The following ZBTB7C variants were observed in gnomAD, a reference collection of about 807,000 sequenced individuals.
ZBTB7C encodes the protein zinc finger and BTB domain containing 7C.
A neutral mutation model predicts 25.7 loss-of-function variants in ZBTB7C; 8 were observed. The ratio of observed to expected loss-of-function variants is 0.31; its 90% CI spans 0.18 to 0.56. The LOEUF is 0.56. Ranked by LOEUF, ZBTB7C falls within the 20% of genes least tolerant of loss-of-function variation. ZBTB7C has a pLI of 0.91. For synonymous variants in ZBTB7C, 394 were observed against 369.0 expected (o/e 1.07, Z -0.78); for missense variants, 824 against 855.2 (o/e 0.96, Z 0.46).
At chr18:48,077,129 T>G in intron 3 of ZBTB7C, 1 of 431,914 alleles carries the variant, frequency 2.3e-6, no homozygotes, top group Non-Finnish European at 3.1e-6. Context: ...CAATACAGGC[T>G]CTCTTTAAAA....
chr18:48,034,928 A>T (rs911140154), intron 4 of ZBTB7C, among the ~76,000 whole-genome samples: 4 of 152,168 alleles, frequency 2.6e-5, no homozygotes. Flanking sequence ...GGCCTCCAGA[A>T]AGGCTCCCAA....
chr18:48,098,207 G>C (rs933184161), intron 3 of ZBTB7C, among the ~76,000 whole-genome samples: 1 of 152,186 alleles, frequency 6.6e-6, no homozygotes, highest in Non-Finnish European at 1.5e-5. Context: ...AACAATGAGT[G>C]GATTTCCCCA....
At chr18:48,136,574 G>A (rs1191727185) in intron 3 of ZBTB7C, among the ~76,000 whole-genome samples, 1 of 152,072 alleles carries the variant, frequency 6.6e-6, no homozygotes, top group Non-Finnish European at 1.5e-5. Flanking sequence ...TCTTGGGGGA[G>A]ACAATTTAAA....
rs141964247 is a variant in ZBTB7C, at chr18:48,251,991, G to A, written c.-78-65996C>T. On this transcript the variant is annotated intron_variant, in intron 2 of 4. Transcript: ENST00000590800. Reference sequence around the variant, plus strand: ...TTCTCTGGTGTGAGATGAATCTTGGGTATTTACCCCAGACAATGACACCAC... The same window carrying A: ...TTCTCTGGTGTGAGATGAATCTTGGATATTTACCCCAGACAATGACACCAC... Among the ~76,000 whole-genome samples, 629 of 152,222 alleles carry A rather than the reference G, an allele frequency of 4.1e-3. 5 individuals carry two copies. Among genetic ancestry groups the A allele is most frequent in the African/African-American group, 0.014 (596 of 41,530 alleles).
intron 3 of ZBTB7C, among the ~76,000 whole-genome samples, chr18:48,085,423 C>G (rs901528175): frequency 5.3e-5 from 8 of 152,164 alleles, no homozygotes; most frequent in African/African-American, 1.9e-4. Context: ...TTTTTTTCTG[C>G]CTGACAAACA....
intron 1 of ZBTB7C, among the ~76,000 whole-genome samples, chr18:48,350,376 G>A (rs58783475): frequency 0.025 from 3,872 of 152,238 alleles, 118 homozygotes; most frequent in African/African-American, 0.066. Flanking sequence ...AGGTTCTTCC[G>A]TAGTTACGTC....
At chr18:48,245,492 A>G (rs1389904322) in intron 2 of ZBTB7C, among the ~76,000 whole-genome samples, 1 of 8,892 alleles carries the variant, frequency 1.1e-4, no homozygotes, top group Non-Finnish European at 6.4e-4. Context: ...AGATCAAGAC[A>G]CCAAAAAAAA....
At position 48,057,174 on chromosome 18, in the gene ZBTB7C, T is replaced by A. The variant is rs555848116; in HGVS notation, c.-16-16051A>T. Reference sequence around the variant, plus strand: ...AGCATTAAAGACATAAAAATTAGATTTCAAGTTTCATCTACCAGATGGGCC... The same window carrying A: ...AGCATTAAAGACATAAAAATTAGATATCAAGTTTCATCTACCAGATGGGCC... On this transcript the variant is annotated intron_variant, in intron 3 of 4. Coordinates refer to ENST00000590800, the MANE Select transcript of ZBTB7C (RefSeq NM_001318841.2). Among the ~76,000 whole-genome samples, 4 of 151,936 alleles carry A rather than the reference T, an allele frequency of 2.6e-5. No individual in the cohort carries two copies. In the East Asian group the frequency reaches 7.7e-4, roughly 29 times the overall value.
intron 2 of ZBTB7C, among the ~76,000 whole-genome samples, chr18:48,276,588 A>C: frequency 9.5e-6 from 1 of 104,974 alleles, no homozygotes; most frequent in African/African-American, 3.7e-5. Flanking sequence ...ACTGAGAATG[A>C]TGGTTTCCAA....
At chr18:48,103,385 C>G (rs1171672494) in intron 3 of ZBTB7C, among the ~76,000 whole-genome samples, 1 of 151,984 alleles carries the variant, frequency 6.6e-6, no homozygotes, top group Non-Finnish European at 1.5e-5. Flanking sequence ...ATTGGCCCCT[C>G]CAGGATCCAG....
At chr18:48,187,560 T>A (rs1347067793) in intron 2 of ZBTB7C, among the ~76,000 whole-genome samples, 1 of 152,108 alleles carries the variant, frequency 6.6e-6, no homozygotes, top group Non-Finnish European at 1.5e-5. Flanking sequence ...ATGCTTGTAA[T>A]CCTAGCACTT....
At chr18:48,410,573 G>A (rs1222384843), upstream of ZBTB7C, 1 of 152,518 alleles carries the variant, frequency 6.6e-6, no homozygotes, top group Admixed American at 6.5e-5. Flanking sequence ...AGGAGGAAGG[G>A]TCCTGGCCCT....
intron 1 of ZBTB7C, chr18:48,350,721 T>C (rs1224334372): frequency 1.3e-5 from 2 of 152,228 alleles, no homozygotes; most frequent in African/African-American, 4.8e-5. Flanking sequence ...CATTTCCTTG[T>C]GTTTCTATCC....
At chr18:48,399,992 C>T (rs1275851917) in intron 1 of ZBTB7C, among the ~76,000 whole-genome samples, 2 of 152,136 alleles carry the variant, frequency 1.3e-5, no homozygotes, top group African/African-American at 2.4e-5. Context: ...ATTTCCTGTG[C>T]GGCCCCTCCC....
At chr18:48,275,704 T>G (rs1257238007) in intron 2 of ZBTB7C, among the ~76,000 whole-genome samples, 1 of 152,228 alleles carries the variant, frequency 6.6e-6, no homozygotes, top group Non-Finnish European at 1.5e-5. Context: ...CTGAAACAAC[T>G]GCTTCGCATC....
At chr18:48,217,187 G>A (rs1419914223) in intron 2 of ZBTB7C, among the ~76,000 whole-genome samples, 1 of 152,138 alleles carries the variant, frequency 6.6e-6, no homozygotes, top group Non-Finnish European at 1.5e-5. Context: ...CAATTCCTAT[G>A]ACCTCACCCA....
intron 2 of ZBTB7C, among the ~76,000 whole-genome samples, chr18:48,231,015 G>C (rs765611563): frequency 7.9e-5 from 12 of 152,310 alleles, no homozygotes; most frequent in Middle Eastern, 3.4e-3. Context: ...CTGGACTTTG[G>C]GTGCCAAGGA....
intron 3 of ZBTB7C, among the ~76,000 whole-genome samples, chr18:48,167,072 C>T (rs978396449): frequency 1.3e-5 from 2 of 152,212 alleles, no homozygotes; most frequent in African/African-American, 4.8e-5. Flanking sequence ...TGTGCCTGCT[C>T]TCTGCACAAT....
intron 2 of ZBTB7C, among the ~76,000 whole-genome samples, chr18:48,212,007 C>T (rs2042713566): frequency 6.6e-6 from 1 of 152,086 alleles, no homozygotes; most frequent in Admixed American, 6.5e-5. Flanking sequence ...AAGACATGAG[C>T]TATTAAGCTA....
Sources: allele counts gnomAD v4.1 joint callset (sites outside exome capture counted in the v4.1 genomes callset), GRCh38; gene constraint gnomAD v4.1.1; transcripts MANE v1.5; gene names NCBI Gene and HGNC (gene_info 2026-07-23, HGNC 2026-07-21).